The following MECOM variants were observed in gnomAD, a reference collection of about 807,000 sequenced individuals.
The protein encoded by MECOM is MDS1 and EVI1 complex locus.
Under a neutral mutation model 116.3 loss-of-function variants are expected in MECOM, and 13 were observed. The observed-to-expected ratio is 0.11, with a 90% CI of 0.07 to 0.18. MECOM has a LOEUF of 0.18. Among genes scored for constraint, MECOM ranks in the 10% least tolerant of loss-of-function variants. The pLI, the probability that MECOM is intolerant of heterozygous loss-of-function variation, is 1.00. For missense variants in MECOM, 1,299 were observed against 1,509.0 expected (o/e 0.86, Z 2.31); for synonymous variants, 528 against 535.2 (o/e 0.99, Z 0.19).
At chr3:169,435,545 C>T (rs544769843) in intron 1 of MECOM, among the ~76,000 whole-genome samples, 1 of 152,108 alleles carries the variant, frequency 6.6e-6, no homozygotes, top group Non-Finnish European at 1.5e-5. Flanking sequence ...AATAACCTAC[C>T]TTAGGAGAAC....
At chr3:169,622,878 A>G (rs1411003797) in intron 1 of MECOM, among the ~76,000 whole-genome samples, 1 of 152,226 alleles carries the variant, frequency 6.6e-6, no homozygotes, top group Non-Finnish European at 1.5e-5. Context: ...CAGGTAATTC[A>G]TTAAAAAAAT....
intron 1 of MECOM, among the ~76,000 whole-genome samples, chr3:169,507,833 TGTA>T (rs370556197): frequency 3.4e-5 from 5 of 148,576 alleles, no homozygotes; most frequent in African/African-American, 5.0e-5. Flanking sequence ...GCTAATTTTT[TGTA>T]TTTTTGATAG....
At chr3:169,170,139 G>C (rs546242947) in intron 2 of MECOM, among the ~76,000 whole-genome samples, 1 of 152,016 alleles carries the variant, frequency 6.6e-6, no homozygotes, top group Admixed American at 6.5e-5. Flanking sequence ...TAGTCCAGGC[G>C]TGGTGGCTCA....
intron 2 of MECOM, among the ~76,000 whole-genome samples, chr3:169,162,517 T>C (rs1254683135): frequency 6.6e-6 from 1 of 152,132 alleles, no homozygotes; most frequent in Non-Finnish European, 1.5e-5. Flanking sequence ...AGGTGAGACC[T>C]GCTGTCATTC....
At chr3:169,385,464 T>C (rs1733171915) in intron 1 of MECOM, among the ~76,000 whole-genome samples, 1 of 152,132 alleles carries the variant, frequency 6.6e-6, no homozygotes, top group Non-Finnish European at 1.5e-5. Flanking sequence ...AAGCCACTTT[T>C]AATCTAGTAT....
intron 1 of MECOM, among the ~76,000 whole-genome samples, chr3:169,540,683 C>A (rs1217752134): frequency 2.0e-5 from 3 of 152,102 alleles, no homozygotes; most frequent in African/African-American, 7.2e-5. Flanking sequence ...TAAGCCCATC[C>A]CCAGGTGCTG....
chr3:169,401,554 C>T lies in MECOM; in HGVS notation c.38-20030G>A, dbSNP rs143302490. On this transcript the variant is annotated intron_variant, in intron 1 of 16. Coordinates refer to ENST00000651503, the MANE Select transcript of MECOM (RefSeq NM_004991.4). ...AACAAAACATAGTACCCACGATCAA[C>T]GAACTATGTCCAAGGTTCAGTGGAG... Among the ~76,000 whole-genome samples the T allele has an allele frequency of 4.3e-4, 66 of 152,234 alleles. 1 individual carries two copies. The highest frequency in any genetic ancestry group is 1.4e-3 in the African/African-American group (58 of 41,554).
chr3:169,458,826 C>T (rs1578157158), intron 1 of MECOM, among the ~76,000 whole-genome samples: 1 of 152,128 alleles, frequency 6.6e-6, no homozygotes, highest in South Asian at 2.1e-4. Context: ...GCCAGCAGGG[C>T]GATTAGGAAG....
At chr3:169,148,154 G>A (rs1399316498) in intron 2 of MECOM, among the ~76,000 whole-genome samples, 1 of 151,888 alleles carries the variant, frequency 6.6e-6, no homozygotes, top group Non-Finnish European at 1.5e-5. Context: ...AAAATTATTG[G>A]CATATAACCC....
In MECOM at chr3:169,273,714, G is replaced by A. The variant is rs75330847; in HGVS notation, c.375+107473C>T. Among the ~76,000 whole-genome samples, 48 of 152,192 alleles carry A rather than the reference G, an allele frequency of 3.2e-4. No individual in the cohort carries two copies. In the East Asian group the frequency reaches 7.6e-3, roughly 24 times the overall value. On this transcript the variant is annotated intron_variant, in intron 2 of 16. Coordinates refer to ENST00000651503, the MANE Select transcript of MECOM (RefSeq NM_004991.4). Reference sequence around the variant, plus strand: ...TCAACATTCTACCCACTTCTGGGTAGAATCGTTGCTCATCCTAATCACATT... The same window carrying A: ...TCAACATTCTACCCACTTCTGGGTAAAATCGTTGCTCATCCTAATCACATT...
At chr3:169,297,590 G>A (rs979791403) in intron 2 of MECOM, among the ~76,000 whole-genome samples, 4 of 151,860 alleles carry the variant, frequency 2.6e-5, no homozygotes, top group Non-Finnish European at 5.9e-5. Flanking sequence ...ACACAGTTCA[G>A]CTTGAGGTAT....
At chr3:169,450,992 A>G (rs1478960236) in intron 1 of MECOM, among the ~76,000 whole-genome samples, 1 of 152,210 alleles carries the variant, frequency 6.6e-6, no homozygotes, top group African/African-American at 2.4e-5. Flanking sequence ...ATTTCCAGCA[A>G]TAAAAGCCTC....
intron 3 of MECOM, chr3:169,131,890 CAG>C: frequency 9.8e-7 from 1 of 1,019,392 alleles, no homozygotes; most frequent in Non-Finnish European, 1.2e-6. Context: ...CACGTACTCA[CAG>C]AGTTGAATCC....
At chr3:169,401,687 G>A (rs571727001) in intron 1 of MECOM, among the ~76,000 whole-genome samples, 31 of 152,078 alleles carry the variant, frequency 2.0e-4, no homozygotes, top group Non-Finnish European at 4.3e-4. Flanking sequence ...TGGCTTTGAA[G>A]GTGTTTCCCA....
chr3:169,528,415 T>C (rs1474888353), intron 1 of MECOM, among the ~76,000 whole-genome samples: 5 of 152,238 alleles, frequency 3.3e-5, no homozygotes, highest in Non-Finnish European at 5.9e-5. Context: ...AGCTTGCATT[T>C]GCTTTATCCC....
intron 2 of MECOM, among the ~76,000 whole-genome samples, chr3:169,205,406 T>C (rs1339175294): frequency 6.6e-6 from 1 of 152,210 alleles, no homozygotes; most frequent in Non-Finnish European, 1.5e-5. Flanking sequence ...AGAAATGTAC[T>C]CTTCTCCAGA....
At chr3:169,273,336 T>C (rs1759178618) in intron 2 of MECOM, among the ~76,000 whole-genome samples, 1 of 152,204 alleles carries the variant, frequency 6.6e-6, no homozygotes, top group Non-Finnish European at 1.5e-5. Context: ...GTTAAAGCCA[T>C]ATATGCTGTG....
At chr3:169,276,358 C>T (rs929576396) in intron 2 of MECOM, among the ~76,000 whole-genome samples, 1 of 151,996 alleles carries the variant, frequency 6.6e-6, no homozygotes, top group African/African-American at 2.4e-5. Context: ...TTGAGATCAG[C>T]CTGGCCAGAA....
intron 1 of MECOM, among the ~76,000 whole-genome samples, chr3:169,599,027 G>C (rs1280782368): frequency 1.3e-5 from 2 of 152,070 alleles, no homozygotes; most frequent in Non-Finnish European, 2.9e-5. Context: ...GCTTGCACTG[G>C]GCCTGTACCT....
Sources: allele counts gnomAD v4.1 joint callset (sites outside exome capture counted in the v4.1 genomes callset), GRCh38; gene constraint gnomAD v4.1.1; transcripts MANE v1.5; gene names NCBI Gene and HGNC (gene_info 2026-07-23, HGNC 2026-07-21).